XPR1: variants seen among roughly 807,000 people sequenced by gnomAD.
XPR1 encodes xenotropic and polytropic retrovirus receptor 1.
A neutral mutation model predicts 87.5 loss-of-function variants in XPR1; 28 were observed. That is an observed-to-expected ratio of 0.32 (90% CI 0.24 to 0.44). The LOEUF (loss-of-function observed/expected upper bound fraction) is 0.44. XPR1 is among the 20% of genes least tolerant of loss of function. The pLI is 1.00. For synonymous variants in XPR1, 300 were observed against 306.1 expected (o/e 0.98, Z 0.21); for missense variants, 559 against 862.3 (o/e 0.65, Z 4.41).
At chr1:180,826,882 A>G (rs993100534) in intron 9 of XPR1, among the ~76,000 whole-genome samples, 1 of 151,960 alleles carries the variant, frequency 6.6e-6, no homozygotes, top group Non-Finnish European at 1.5e-5. Flanking sequence ...AACCAGGTGC[A>G]GTGGCTCACG....
intron 2 of XPR1, among the ~76,000 whole-genome samples, chr1:180,782,426 G>A (rs746249187): frequency 3.3e-5 from 5 of 151,978 alleles, no homozygotes; most frequent in Admixed American, 6.6e-5. Flanking sequence ...GGCAGAATTC[G>A]TTTCTAGTAA....
intron 2 of XPR1, among the ~76,000 whole-genome samples, chr1:180,785,238 C>T (rs1184119169): frequency 6.6e-6 from 1 of 151,820 alleles, no homozygotes; most frequent in Non-Finnish European, 1.5e-5. Flanking sequence ...CAACCTCCAC[C>T]TCCTCCCAGG....
Position 180,825,531 on chromosome 1 carries a change from G to A in XPR1, c.1134+187G>A, listed in dbSNP as rs535310933. Among the ~76,000 whole-genome samples the A allele has an allele frequency of 8.5e-5, 13 of 152,252 alleles. No homozygotes were observed. The East Asian group carries it at 2.5e-3, about 29-fold the overall frequency. ...TCCTCCTGAGATCGAGTATCAGGTG[G>A]CCAAATATTGAGATGATTTTGTAAA... On this transcript the variant is annotated intron_variant, in intron 9 of 14. Coordinates refer to ENST00000367590, the MANE Select transcript of XPR1 (RefSeq NM_004736.4).
intron 9 of XPR1, among the ~76,000 whole-genome samples, chr1:180,828,709 G>A (rs1020739368): frequency 2.0e-5 from 3 of 152,134 alleles, no homozygotes; most frequent in African/African-American, 7.2e-5. Flanking sequence ...TATAAATGAA[G>A]AAACCTACAT....
At chr1:180,841,634 G>T (rs1377527690) in intron 11 of XPR1, among the ~76,000 whole-genome samples, 1 of 152,094 alleles carries the variant, frequency 6.6e-6, no homozygotes, top group Non-Finnish European at 1.5e-5. Context: ...CTTGCACAGG[G>T]CAAGTATCGA....
chr1:180,716,075 TA>T (rs1328007034), intron 2 of XPR1, among the ~76,000 whole-genome samples: 2 of 152,152 alleles, frequency 1.3e-5, no homozygotes, highest in African/African-American at 4.8e-5. Flanking sequence ...GAATGTCATA[TA>T]ATAGATAGAT....
chr1:180,754,179 G>T (rs1647637366), intron 2 of XPR1, among the ~76,000 whole-genome samples: 1 of 152,124 alleles, frequency 6.6e-6, no homozygotes, highest in Non-Finnish European at 1.5e-5. Context: ...TAGAATGTCA[G>T]TTTCCTAAAA....
chr1:180,710,788 G>GC (rs565851399), intron 2 of XPR1, among the ~76,000 whole-genome samples: 3,821 of 145,768 alleles, frequency 0.026, 155 homozygotes, highest in African/African-American at 0.087. Flanking sequence ...GGGCAGAGGC[G>GC]CCCCCCCACC....
At chr1:180,678,033 T>C (rs1403473099) in intron 1 of XPR1, among the ~76,000 whole-genome samples, 2 of 152,222 alleles carry the variant, frequency 1.3e-5, no homozygotes, top group Non-Finnish European at 2.9e-5. Flanking sequence ...CCCATAGTAC[T>C]TAGGAAAGCA....
At chr1:180,702,664 T>C (rs141573813) in intron 2 of XPR1, among the ~76,000 whole-genome samples, 2 of 152,250 alleles carry the variant, frequency 1.3e-5, no homozygotes, top group East Asian at 3.9e-4. Flanking sequence ...ATCTTTTTGT[T>C]GACTTTCTCA....
intron 11 of XPR1, among the ~76,000 whole-genome samples, chr1:180,843,014 C>A (rs1460123200): frequency 6.6e-6 from 1 of 152,156 alleles, no homozygotes; most frequent in Non-Finnish European, 1.5e-5. Context: ...CTTTCTAGAT[C>A]CCTTCTTGTT....
At position 180,723,262 on chromosome 1, in the gene XPR1, G is replaced by A. The variant is rs568914362; in HGVS notation, c.121+40851G>A. ...TTATAAAGTAACCATTAGCAATACT[G>A]CATAACAGAAACTTTACAACTTAAA... On this transcript the variant is annotated intron_variant, in intron 2 of 14. Transcript: ENST00000367590. Among the ~76,000 whole-genome samples, 369 of 152,162 alleles carry A rather than the reference G, an allele frequency of 2.4e-3. 2 individuals are homozygous for A. Among genetic ancestry groups the A allele is most frequent in the Non-Finnish European group, 2.3e-3 (157 of 67,988 alleles).
chr1:180,667,238 G>A (rs76688763), intron 1 of XPR1, among the ~76,000 whole-genome samples: 5,170 of 152,254 alleles, frequency 0.034, 131 homozygotes, highest in African/African-American at 0.07. Context: ...ACCATTCATT[G>A]TGGGTTTTTC....
intron 11 of XPR1, among the ~76,000 whole-genome samples, chr1:180,842,608 T>G (rs190253724): frequency 6.6e-6 from 1 of 152,310 alleles, no homozygotes; most frequent in East Asian, 1.9e-4. Flanking sequence ...ACAAGTGTTT[T>G]GTTGGAATTG....
At chr1:180,704,019 T>C (rs1657455983) in intron 2 of XPR1, among the ~76,000 whole-genome samples, 1 of 151,938 alleles carries the variant, frequency 6.6e-6, no homozygotes, top group Admixed American at 6.6e-5. Context: ...TTTACAATTT[T>C]ATTATTGTTG....
chr1:180,674,696 GAGTT>G (rs1174936176), intron 1 of XPR1, among the ~76,000 whole-genome samples: 2 of 152,054 alleles, frequency 1.3e-5, no homozygotes, highest in Non-Finnish European at 2.9e-5. Context: ...ACCTGGCTAA[GAGTT>G]AGTTTTCATA....
chr1:180,827,794 G>A (rs773785980), intron 9 of XPR1, among the ~76,000 whole-genome samples: 6 of 151,934 alleles, frequency 3.9e-5, no homozygotes, highest in Non-Finnish European at 4.4e-5. Context: ...TAACAAGAAT[G>A]TGTTCACTCT....
At chr1:180,665,963 T>C (rs962251083) in intron 1 of XPR1, among the ~76,000 whole-genome samples, 1 of 152,164 alleles carries the variant, frequency 6.6e-6, no homozygotes, top group African/African-American at 2.4e-5. Flanking sequence ...CTAACTATGA[T>C]TTTTGAGTTA....
chr1:180,784,461 T>A (rs759334332), intron 2 of XPR1, among the ~76,000 whole-genome samples: 1 of 152,108 alleles, frequency 6.6e-6, no homozygotes, highest in Admixed American at 6.6e-5. Flanking sequence ...ATATTTTGCA[T>A]GTTAATCATT....
Sources: allele counts gnomAD v4.1 joint callset (sites outside exome capture counted in the v4.1 genomes callset), GRCh38; gene constraint gnomAD v4.1.1; transcripts MANE v1.5; gene names NCBI Gene and HGNC (gene_info 2026-07-23, HGNC 2026-07-21).